Variants in OTOP1 observed in about 807,000 individuals in gnomAD.
OTOP1 encodes otopetrin 1, also known as proton channel OTOP1.
OTOP1 carries 59 observed loss-of-function variants against 52.9 expected under a neutral mutation model. The ratio of observed to expected loss-of-function variants is 1.12; its 90% confidence interval spans 0.91 to 1.39. OTOP1 has a LOEUF of 1.39. Among genes scored for constraint, OTOP1 ranks in the 40% most tolerant of loss-of-function variants. The probability of loss-of-function intolerance (pLI) is 0.00; values close to 1 mark genes in which losing one functional copy is unlikely to be tolerated. For missense variants in OTOP1, 761 were observed against 800.9 expected (o/e 0.95, Z 0.60); for synonymous variants, 317 against 337.7 (o/e 0.94, Z 0.67).
intron 2 of OTOP1, among the ~76,000 whole-genome samples, chr4:4,212,540 T>C (rs1717048252): frequency 2.0e-5 from 3 of 152,204 alleles, no homozygotes. Flanking sequence ...GCCACGTGAA[T>C]TCTCTCAATA....
chr4:4,226,421 GC>G (rs1305071841), intron 1 of OTOP1, 40 bp downstream of exon 1: 1 of 1,383,390 alleles, frequency 7.2e-7, no homozygotes, highest in Non-Finnish European at 9.3e-7. Context: ...CAGCCAGCGG[GC>G]GAGGAGGCGG....
chr4:4,194,166 G>T (rs1335024101), intron 5 of OTOP1, among the ~76,000 whole-genome samples: 1 of 152,146 alleles, frequency 6.6e-6, no homozygotes, highest in African/African-American at 2.4e-5. Context: ...TACAGCCTGG[G>T]CAACAGAGCA....
intron 1 of OTOP1, 127 bp downstream of exon 1, chr4:4,226,335 G>C (rs1811446): frequency 1.1e-6 from 1 of 941,722 alleles, no homozygotes; most frequent in Non-Finnish European, 1.5e-6. Flanking sequence ...TAGGAAAGAT[G>C]CACAGAGAGA....
intron 4 of OTOP1, among the ~76,000 whole-genome samples, chr4:4,198,433 C>T (rs1174936403): frequency 6.6e-6 from 1 of 152,030 alleles, no homozygotes; most frequent in East Asian, 1.9e-4. Flanking sequence ...CGGAAAAAAT[C>T]TGGAAGGACA....
chr4:4,224,709 A>C (rs1717386141), intron 1 of OTOP1, among the ~76,000 whole-genome samples: 1 of 152,248 alleles, frequency 6.6e-6, no homozygotes, highest in Non-Finnish European at 1.5e-5. Context: ...CCCCAAAAGC[A>C]AGATGAACTA....
rs770481456 is a variant in OTOP1, at chr4:4,197,852, C to G, written c.982G>C (p.Val328Leu). Reference protein sequence around the residue: ...GLTVLAATIAVVVVYLIHIGR... With the variant: ...GLTVLAATIALVVVYLIHIGR... ...ATATGAATCAGGTATACCACCACCA[C>G]AGCAATGGTGGCGGCCAGCACGGTC... Residue 328 changes from valine to leucine, a missense_variant, in exon 5 of 6, where the codon GTG (valine) becomes CTG (leucine). Physicochemically the swap from Val to Leu is conservative, Grantham distance 32 (BLOSUM62 1). Coordinates refer to ENST00000296358, the MANE Select transcript of OTOP1 (RefSeq NM_177998.3). 1.2e-6 allele frequency: 2 copies of G among 1,613,990 alleles called. No homozygotes were observed. The highest frequency in any genetic ancestry group is 2.7e-5 in the African/African-American group (2 of 74,902).
At chr4:4,192,729 C>T (rs1166298474) in intron 5 of OTOP1, among the ~76,000 whole-genome samples, 1 of 152,236 alleles carries the variant, frequency 6.6e-6, no homozygotes, top group East Asian at 1.9e-4. Context: ...CACCTGTCAC[C>T]CTTCGCGAGT....
intron 1 of OTOP1, among the ~76,000 whole-genome samples, chr4:4,218,833 G>A (rs2108805129): frequency 6.6e-6 from 1 of 152,168 alleles, no homozygotes; most frequent in East Asian, 1.9e-4. Context: ...GGAGGCTGAG[G>A]CAGGAGAATC....
intron 3 of OTOP1, among the ~76,000 whole-genome samples, chr4:4,203,499 G>A (rs1716834521): frequency 6.6e-6 from 1 of 152,214 alleles, no homozygotes; most frequent in Non-Finnish European, 1.5e-5. Flanking sequence ...CCCTGCCCTT[G>A]GCTCTTTGCC....
At chr4:4,220,044 T>A (rs1267851779) in intron 1 of OTOP1, among the ~76,000 whole-genome samples, 6 of 60,006 alleles carry the variant, frequency 1.0e-4, no homozygotes, top group Admixed American at 6.1e-4. Flanking sequence ...TATGTATACA[T>A]ATATACATAT....
At chr4:4,191,995 G>C (rs1299549259) in intron 5 of OTOP1, among the ~76,000 whole-genome samples, 2 of 152,234 alleles carry the variant, frequency 1.3e-5, no homozygotes, top group Non-Finnish European at 2.9e-5. Flanking sequence ...ACATCTTTAT[G>C]TCTGCTGTTC....
chr4:4,220,948 A>G (rs1304968878), intron 1 of OTOP1, among the ~76,000 whole-genome samples: 8 of 152,110 alleles, frequency 5.3e-5, no homozygotes, highest in Admixed American at 3.9e-4. Flanking sequence ...TCTGACCTCT[A>G]CTTGGACAAG....
chr4:4,202,580 T>C lies in OTOP1; in HGVS notation c.600-2A>G. On this transcript the variant is annotated splice_acceptor_variant, in intron 3 of 5. Transcript: ENST00000296358. LOFTEE classifies it high-confidence loss of function. ...AACACCGAGTGGATCACTCCAAACC[T>C]GAAAAACACAAGGACTCAGTTCTCA... 1 of 1,613,304 alleles carries C rather than the reference T, an allele frequency of 6.2e-7. No individual in the cohort carries two copies. The highest frequency in any genetic ancestry group is 1.1e-5 in the South Asian group (1 of 91,066).
At chr4:4,205,134 T>G (rs73792859) in intron 3 of OTOP1, among the ~76,000 whole-genome samples, 1,549 of 152,294 alleles carry the variant, frequency 0.01, 32 homozygotes, top group African/African-American at 0.035. Context: ...TCCATTACCC[T>G]GTCGATTCTT....
chr4:4,204,769 TTTC>T (rs1716862738), intron 3 of OTOP1, among the ~76,000 whole-genome samples: 3 of 152,038 alleles, frequency 2.0e-5, no homozygotes, highest in Admixed American at 6.6e-5. Flanking sequence ...TGGTGCTTTC[TTTC>T]TTCTTTTTTT....
chr4:4,221,063 T>C (rs1206664168), intron 1 of OTOP1, among the ~76,000 whole-genome samples: 38 of 137,732 alleles, frequency 2.8e-4, no homozygotes, highest in African/African-American at 8.1e-4. Context: ...TTATTTTATT[T>C]TATTTTATTT....
At chr4:4,207,450 A>G (rs1174171498) in intron 2 of OTOP1, among the ~76,000 whole-genome samples, 3 of 152,152 alleles carry the variant, frequency 2.0e-5, no homozygotes, top group African/African-American at 4.8e-5. Flanking sequence ...ACAATAGCAA[A>G]TGCTGGTTTC....
Position 4,203,258 on chromosome 4 carries a change from G to T in OTOP1, c.600-680C>A, listed in dbSNP as rs545764737. On this transcript the variant is annotated intron_variant, in intron 3 of 5. Transcript: ENST00000296358. The stretch of plus-strand genomic sequence containing the variant: ...CTTGAATGTGGACATGAAGGCTGGA[G>T]TTGTGGTGGCCATCTTATGACCATG... Among the ~76,000 whole-genome samples, 8 of 152,332 alleles carry T rather than the reference G, an allele frequency of 5.3e-5. No homozygotes were observed. In the South Asian group the frequency reaches 1.7e-3, roughly 32 times the overall value.
intron 1 of OTOP1, among the ~76,000 whole-genome samples, chr4:4,220,390 T>C (rs1717274808): frequency 6.6e-6 from 1 of 152,144 alleles, no homozygotes; most frequent in Admixed American, 6.5e-5. Context: ...AAACAGAGTA[T>C]ACAATGTTGG....
Sources: allele counts gnomAD v4.1 joint callset (sites outside exome capture counted in the v4.1 genomes callset), GRCh38; gene constraint gnomAD v4.1.1; transcripts MANE v1.5; gene names NCBI Gene and HGNC (gene_info 2026-07-23, HGNC 2026-07-21).